Variants in GPHN observed in about 807,000 individuals in gnomAD.
GPHN encodes the protein gephyrin.
Under a neutral mutation model 95.5 loss-of-function variants are expected in GPHN, and 17 were observed. The observed-to-expected ratio is 0.18, with a 90% CI of 0.12 to 0.27. GPHN has a LOEUF of 0.27. GPHN is among the 10% of genes least tolerant of loss of function. The pLI is 1.00. For missense variants in GPHN, 660 were observed against 978.1 expected (o/e 0.67, Z 4.34); for synonymous variants, 320 against 322.5 (o/e 0.99, Z 0.08).
At chr14:66,872,827 G>A (rs1351859041) in intron 4 of GPHN, among the ~76,000 whole-genome samples, 8 of 151,412 alleles carry the variant, frequency 5.3e-5, no homozygotes, top group African/African-American at 1.7e-4. Flanking sequence ...CCCGGGAGAC[G>A]GAGTTTGCAG....
chr14:67,226,091 G>C, the GPHN span, among the ~76,000 whole-genome samples: 1 of 152,236 alleles, frequency 6.6e-6, no homozygotes, highest in African/African-American at 2.4e-5. Context: ...GGGCCTTGCT[G>C]ATGGAATCAA....
At chr14:67,480,846 T>C in the GPHN span, among the ~76,000 whole-genome samples, 2 of 152,068 alleles carry the variant, frequency 1.3e-5, no homozygotes, top group Non-Finnish European at 2.9e-5. Flanking sequence ...CCCAGACCGG[T>C]TTCCCAGCTG....
chr14:67,702,296 A>G, the GPHN span, among the ~76,000 whole-genome samples: 19 of 152,184 alleles, frequency 1.2e-4, 1 homozygote, highest in East Asian at 3.7e-3. Context: ...GTTTTTTTCT[A>G]TTAACCATTT....
intron 2 of GPHN, among the ~76,000 whole-genome samples, chr14:66,770,489 T>A (rs1359202310): frequency 6.6e-6 from 1 of 152,154 alleles, no homozygotes; most frequent in Non-Finnish European, 1.5e-5. Flanking sequence ...CCTTTAATAT[T>A]AATGAAACCT....
At chr14:67,198,860 T>C in the GPHN span, 1 of 629,736 alleles carries the variant, frequency 1.6e-6, no homozygotes, top group East Asian at 3.0e-5. Context: ...GACAAAGAAA[T>C]GGTGAAATGA....
At chr14:66,993,211 A>G (rs1378798595) in intron 9 of GPHN, among the ~76,000 whole-genome samples, 2 of 151,744 alleles carry the variant, frequency 1.3e-5, no homozygotes, top group Non-Finnish European at 2.9e-5. Flanking sequence ...CTTCTTTTTT[A>G]TTGTCTTCTC....
chr14:67,103,079 G>T (rs1472824245), intron 13 of GPHN, among the ~76,000 whole-genome samples: 3 of 151,968 alleles, frequency 2.0e-5, no homozygotes, highest in African/African-American at 7.3e-5. Flanking sequence ...CTTGGTTTTG[G>T]GTTTCTGGGT....
At chr14:67,584,042 G>T in the GPHN span, 4 of 1,614,018 alleles carry the variant, frequency 2.5e-6, no homozygotes, top group Non-Finnish European at 8.5e-7. Flanking sequence ...TTGCAAGGAT[G>T]CTCCCCTCCT....
At chr14:67,208,031 G>A in the GPHN span, 40 of 503,202 alleles carry the variant, frequency 7.9e-5, 1 homozygote, top group Non-Finnish European at 9.2e-5. Flanking sequence ...CAACACACCC[G>A]GGGCTCTCCC....
At chr14:66,972,565 C>T (rs987885119) in intron 9 of GPHN, among the ~76,000 whole-genome samples, 5 of 151,814 alleles carry the variant, frequency 3.3e-5, no homozygotes, top group Non-Finnish European at 5.9e-5. Flanking sequence ...TTTGTTCATA[C>T]GCCCCATTTT....
chr14:67,145,728 C>A (rs898423553), intron 18 of GPHN, among the ~76,000 whole-genome samples: 7 of 152,206 alleles, frequency 4.6e-5, no homozygotes, highest in African/African-American at 1.7e-4. Flanking sequence ...ACATTTGCTT[C>A]AGCCCAGGAG....
At chr14:66,708,464 T>C (rs925436548) in intron 2 of GPHN, among the ~76,000 whole-genome samples, 2 of 152,196 alleles carry the variant, frequency 1.3e-5, no homozygotes, top group Non-Finnish European at 2.9e-5. Context: ...TAAAACTTTC[T>C]TCCTGTATTT....
chr14:67,171,546 A>G (rs552682206), intron 21 of GPHN, among the ~76,000 whole-genome samples: 2 of 152,272 alleles, frequency 1.3e-5, no homozygotes, highest in South Asian at 4.1e-4. Context: ...ACATACCTGG[A>G]GTAACTCCCA....
At chr14:66,743,346 A>T (rs1235016872) in intron 2 of GPHN, among the ~76,000 whole-genome samples, 8 of 152,008 alleles carry the variant, frequency 5.3e-5, no homozygotes, top group Non-Finnish European at 1.0e-4. Context: ...AACATATTCA[A>T]TTTTATTTTC....
intron 1 of GPHN, among the ~76,000 whole-genome samples, chr14:66,597,618 A>G (rs1011994045): frequency 1.3e-5 from 2 of 152,162 alleles, no homozygotes; most frequent in African/African-American, 4.8e-5. Flanking sequence ...TTGAGAGTGC[A>G]GAAATGCCTG....
chr14:66,743,192 T>G (rs2072944021), intron 2 of GPHN, among the ~76,000 whole-genome samples: 1 of 151,768 alleles, frequency 6.6e-6, no homozygotes, highest in African/African-American at 2.4e-5. Context: ...GTTCTTTTTT[T>G]TTTTAATTGT....
chr14:67,036,299 T>C (rs1721377947), intron 10 of GPHN, among the ~76,000 whole-genome samples: 1 of 151,764 alleles, frequency 6.6e-6, no homozygotes, highest in Admixed American at 6.6e-5. Flanking sequence ...AGCTTTTTTT[T>C]TTTAAGATCA....
chr14:67,126,593 T>G (rs1322603762), intron 17 of GPHN, among the ~76,000 whole-genome samples: 1 of 152,200 alleles, frequency 6.6e-6, no homozygotes, highest in African/African-American at 2.4e-5. Context: ...AGTAGAAATT[T>G]GAACCAGATT....
chr14:67,588,896 C>G, the GPHN span: 111,255 of 152,492 alleles, frequency 0.73, 41,661 homozygotes, highest in Middle Eastern at 0.83. Context: ...AAAAGAAGCA[C>G]ATCCAAGTTT....
Sources: allele counts gnomAD v4.1 joint callset (sites outside exome capture counted in the v4.1 genomes callset), GRCh38; gene constraint gnomAD v4.1.1; transcripts MANE v1.5; gene names NCBI Gene and HGNC (gene_info 2026-07-23, HGNC 2026-07-21).